The following SFTPD variants were observed in gnomAD, a reference collection of about 807,000 sequenced individuals.
SFTPD encodes the protein pulmonary surfactant-associated protein D.
In SFTPD, 18 loss-of-function variants were observed where a neutral mutation model predicts 34.6. The ratio of observed to expected loss-of-function variants is 0.52; its 90% CI spans 0.36 to 0.77. The LOEUF (loss-of-function observed/expected upper bound fraction) is 0.77. Ranked by LOEUF, SFTPD falls within the 30% of genes least tolerant of loss-of-function variation. The pLI is 0.00. For missense variants in SFTPD, 433 were observed against 468.9 expected (o/e 0.92, Z 0.71); for synonymous variants, 155 against 180.9 (o/e 0.86, Z 1.15).
chr10:79,952,891 G>A (rs77159441), upstream of SFTPD, among the ~76,000 whole-genome samples: 616 of 152,326 alleles, frequency 4.0e-3, 3 homozygotes, highest in African/African-American at 0.014. Context: ...GCTCACAGGT[G>A]CAGAGGGTTT....
intron 7 of SFTPD, among the ~76,000 whole-genome samples, chr10:79,939,132 C>T (rs1351154568): frequency 6.6e-6 from 1 of 152,144 alleles, no homozygotes; most frequent in Non-Finnish European, 1.5e-5. Flanking sequence ...TTCAGGGTTT[C>T]CATTTCCTCA....
At chr10:79,967,739 C>A (rs1311635362) in intron 1 of SFTPD, among the ~76,000 whole-genome samples, 2 of 152,052 alleles carry the variant, frequency 1.3e-5, no homozygotes, top group Non-Finnish European at 2.9e-5. Flanking sequence ...ACGTATACAT[C>A]CAGATGGCCT....
rs547501227 is a variant in SFTPD at position 79,955,612 on chromosome 10, T to C, written c.37-8950A>G. On this transcript the variant is annotated intron_variant, in intron 1 of 5. Transcript: ENST00000444384. ...GCTCAGGTGCTATCTGTTGTTGCAA[T>C]CTAATCTGTTCACTAGATTCTGCAA... is the stretch of plus-strand genomic sequence containing the variant. 2.4e-4 allele frequency among the ~76,000 whole-genome samples: 36 copies of C among 152,326 alleles called. No individual in the cohort carries two copies. The East Asian group carries it at 6.0e-3, about 25-fold the overall frequency.
At position 79,938,082 on chromosome 10, in the gene SFTPD, AG is replaced by A. The variant is rs1842574610; in HGVS notation, c.897del (p.Leu300CysfsTer6). ...ASPRSAAENA[A>X]LQQLVVAKNE... ...TTCTTAGCTACGACCAGCTGTTGCA[AG>A]GCGGCATTCTCAGCGGCAGAGCGTG... is the stretch of plus-strand genomic sequence containing the variant. On this transcript the variant is annotated frameshift_variant, in exon 8 of 8. Transcript: ENST00000372292. LOFTEE classifies it high-confidence loss of function. The A allele has an allele frequency of 1.2e-6, 2 of 1,614,062 alleles. No homozygotes were observed. Among genetic ancestry groups the A allele is most frequent in the Non-Finnish European group, 8.5e-7 (1 of 1,180,038 alleles).
At chr10:79,956,985 C>A (rs965611157) in intron 1 of SFTPD, among the ~76,000 whole-genome samples, 9 of 151,174 alleles carry the variant, frequency 6.0e-5, no homozygotes, top group East Asian at 2.0e-4. Flanking sequence ...GCAGCATTTG[C>A]GGTTCACCAA....
In SFTPD at chr10:79,942,810, T is replaced by C. The variant is rs1842627618; in HGVS notation, c.269A>G (p.Asn90Ser). The C allele has an allele frequency of 1.2e-6, 2 of 1,613,832 alleles. No homozygotes were observed. Among genetic ancestry groups the C allele is most frequent in the Non-Finnish European group, 1.7e-6 (2 of 1,179,902 alleles). Residue 90 changes from asparagine (N) to serine (S), a missense_variant, in exon 3 of 8, where the codon AAT (asparagine) becomes AGT (serine). Physicochemically the swap from Asn to Ser is conservative, Grantham distance 46. Transcript: ENST00000372292. The stretch of plus-strand genomic sequence containing the variant: ...TGGTCCAGGTTCTCCAACAGAGCCA[T>C]TGTCCCCTTTGGGCCCAACTGGGCC... The part of the protein sequence containing the change: ...QAGPVGPKGD[N>S]GSVGEPGPKG...
chr10:79,966,361 T>G (rs1343729899), intron 1 of SFTPD, among the ~76,000 whole-genome samples: 1 of 62,976 alleles, frequency 1.6e-5, no homozygotes, highest in Non-Finnish European at 2.8e-5. Context: ...TCATGTGTTT[T>G]TTGGCTGCAT....
chr10:79,943,462 C>T (rs1355205436), intron 2 of SFTPD, among the ~76,000 whole-genome samples: 4 of 152,126 alleles, frequency 2.6e-5, no homozygotes, highest in Non-Finnish European at 5.9e-5. Flanking sequence ...CTCATCTGAG[C>T]GTCCCCACCC....
intron 7 of SFTPD, among the ~76,000 whole-genome samples, chr10:79,940,355 T>C (rs1004174859): frequency 2.0e-5 from 3 of 152,186 alleles, no homozygotes; most frequent in Non-Finnish European, 2.9e-5. Flanking sequence ...CAGGTGGCAT[T>C]GAGGTTGGTG....
At chr10:79,975,875 C>T (rs762668789) in intron 1 of SFTPD, among the ~76,000 whole-genome samples, 5 of 152,250 alleles carry the variant, frequency 3.3e-5, no homozygotes, top group Non-Finnish European at 7.3e-5. Flanking sequence ...GCACAGATTG[C>T]TCATGCTATT....
chr10:79,958,382 C>A (rs1842752425), intron 1 of SFTPD, among the ~76,000 whole-genome samples: 1 of 152,188 alleles, frequency 6.6e-6, no homozygotes, highest in Non-Finnish European at 1.5e-5. Flanking sequence ...CAAGACCCAT[C>A]AGTGTGCTGT....
chr10:79,938,091 T>C lies in SFTPD; in HGVS notation c.889A>G (p.Asn297Asp). Residue 297 changes from asparagine to aspartate, a missense_variant, in exon 8 of 8, where the codon AAT (asparagine) becomes GAT (aspartate). By Grantham distance (23) the Asn-to-Asp change is conservative. Coordinates refer to ENST00000372292, the MANE Select transcript of SFTPD (RefSeq NM_003019.5). ...ACGACCAGCTGTTGCAAGGCGGCAT[T>C]CTCAGCGGCAGAGCGTGGAGAGGCC... ...QLASPRSAAE[N>D]AALQQLVVAK... 1 of 1,614,146 alleles carries C rather than the reference T, an allele frequency of 6.2e-7. No homozygotes were observed. Among genetic ancestry groups the C allele is most frequent in the Middle Eastern group, 1.6e-4 (1 of 6,062 alleles).
In SFTPD at chr10:79,937,908, C is replaced by A; in HGVS notation, c.1072G>T (p.Gly358Cys). Reference sequence around the variant, plus strand: ...CCACAAGCCCTGTCATTCCACTTGCCATTGGTGAAGATCTCCACACAGTCC... The same window carrying A: ...CCACAAGCCCTGTCATTCCACTTGCAATTGGTGAAGATCTCCACACAGTCC... ...SEDCVEIFTNGKWNDRACGEK... is the reference protein window; with the variant it reads ...SEDCVEIFTNCKWNDRACGEK... The change falls in exon 8 of 8, where the codon GGC becomes TGC. Residue 358 changes from glycine to cysteine, a missense_variant. Coordinates refer to ENST00000372292, the MANE Select transcript of SFTPD (RefSeq NM_003019.5). 6.3e-7 allele frequency: 1 copy of A among 1,588,638 alleles called. No individual in the cohort carries two copies. The highest frequency in any genetic ancestry group is 8.6e-7 in the Non-Finnish European group (1 of 1,164,076).
At chr10:79,968,270 G>A (rs562569703) in intron 1 of SFTPD, 7 of 152,128 alleles carry the variant, frequency 4.6e-5, no homozygotes, top group Non-Finnish European at 8.8e-5. Flanking sequence ...TGAGGTTTAC[G>A]GTACTATTAT....
chr10:79,938,364 C>T, intron 7 of SFTPD, 136 bp from the exon 8 acceptor site: 5 of 752,570 alleles, frequency 6.6e-6, no homozygotes, highest in Non-Finnish European at 1.1e-5. Flanking sequence ...AGAGAGAATG[C>T]AAGAGAGATT....
At chr10:79,943,617 G>C (rs3793925) in intron 2 of SFTPD, among the ~76,000 whole-genome samples, 8,562 of 152,234 alleles carry the variant, frequency 0.056, 570 homozygotes, top group East Asian at 0.39. Context: ...AGGCCTCCAT[G>C]GGGGGTGAGC....
At chr10:79,954,152 C>T (rs1178434399) in intron 1 of SFTPD, among the ~76,000 whole-genome samples, 1 of 147,256 alleles carries the variant, frequency 6.8e-6, no homozygotes, top group East Asian at 2.3e-4. Flanking sequence ...ATCTGTTGAG[C>T]AGATTGTGGT....
intron 1 of SFTPD, among the ~76,000 whole-genome samples, chr10:79,976,809 A>C (rs1359909967): frequency 6.6e-6 from 1 of 152,152 alleles, no homozygotes; most frequent in Non-Finnish European, 1.5e-5. Context: ...CTCAAGTTGA[A>C]TTGTATCTCC....
At chr10:79,952,239 CA>C (rs376123737), upstream of SFTPD, among the ~76,000 whole-genome samples, 29 of 152,368 alleles carry the variant, frequency 1.9e-4, no homozygotes, top group African/African-American at 6.3e-4. Flanking sequence ...AAGGCTTGGC[CA>C]GCAGGCACCC....
Sources: gnomAD v4.1 joint callset for allele counts (sites outside exome capture counted in the v4.1 genomes callset) on GRCh38, gnomAD v4.1.1 for gene constraint, MANE v1.5 for transcripts, NCBI Gene and HGNC (gene_info 2026-07-23, HGNC 2026-07-21) for gene names.